Variants in XKR9 observed in about 807,000 individuals in gnomAD.
XKR9 encodes the protein XK related 9.
XKR9 carries 32 observed loss-of-function variants against 32.0 expected under a neutral mutation model. The ratio of observed to expected loss-of-function variants is 1.00; its 90% CI spans 0.76 to 1.34. The LOEUF is 1.34. Ranked by LOEUF, XKR9 falls within the 40% of genes most tolerant of loss-of-function variation. The probability of loss-of-function intolerance (pLI) is 0.00; values close to 1 mark genes in which losing one functional copy is unlikely to be tolerated. For synonymous variants in XKR9, 168 were observed against 143.4 expected, an observed-to-expected ratio of 1.17 and a Z score of -1.22; for missense variants, 546 against 429.7, an observed-to-expected ratio of 1.27 and a Z score of -2.39.
At chr8:70,870,001 G>C in the XKR9 span, among the ~76,000 whole-genome samples, 1 of 152,154 alleles carries the variant, frequency 6.6e-6, no homozygotes, top group Non-Finnish European at 1.5e-5. Context: ...TAGTAGGAAT[G>C]AGATATATGA....
the XKR9 span, among the ~76,000 whole-genome samples, chr8:70,963,112 C>T: frequency 6.6e-6 from 1 of 152,154 alleles, no homozygotes; most frequent in Non-Finnish European, 1.5e-5. Flanking sequence ...TTATGCTCCC[C>T]CTTCCCCCAG....
the XKR9 span, among the ~76,000 whole-genome samples, chr8:70,854,321 T>A: frequency 6.6e-6 from 1 of 152,238 alleles, no homozygotes; most frequent in Non-Finnish European, 1.5e-5. Context: ...TGCATAAATG[T>A]CTTCTTTGAG....
At chr8:71,060,412 C>T in the XKR9 span, among the ~76,000 whole-genome samples, 1 of 152,212 alleles carries the variant, frequency 6.6e-6, no homozygotes, top group Non-Finnish European at 1.5e-5. Context: ...CGGGTGTCCT[C>T]ATCCCTTTAC....
chr8:70,706,650 A>G (rs562072555), intron 3 of XKR9, among the ~76,000 whole-genome samples: 1 of 152,216 alleles, frequency 6.6e-6, no homozygotes, highest in East Asian at 1.9e-4. Flanking sequence ...AAATGGAATA[A>G]TGTCTCCTTT....
the XKR9 span, among the ~76,000 whole-genome samples, chr8:70,861,100 G>A: frequency 2.0e-5 from 3 of 152,092 alleles, no homozygotes; most frequent in Non-Finnish European, 4.4e-5. Context: ...ACAGTTGTCT[G>A]TTAGTAGTGT....
the XKR9 span, among the ~76,000 whole-genome samples, chr8:70,966,772 C>T: frequency 6.6e-6 from 1 of 152,134 alleles, no homozygotes; most frequent in South Asian, 2.1e-4. Flanking sequence ...TTGTAGGTCT[C>T]TAACAACTTG....
At chr8:70,772,896 TG>T (rs1474958582) in intron 2 of XKR9, among the ~76,000 whole-genome samples, 1 of 152,230 alleles carries the variant, frequency 6.6e-6, no homozygotes, top group Non-Finnish European at 1.5e-5. Context: ...AGAGTTTTAA[TG>T]GCAAGGATAA....
At chr8:70,987,500 T>A in the XKR9 span, among the ~76,000 whole-genome samples, 1 of 152,244 alleles carries the variant, frequency 6.6e-6, no homozygotes, top group Non-Finnish European at 1.5e-5. Flanking sequence ...TGATCTCCTT[T>A]GGTTCCATAT....
the XKR9 span, among the ~76,000 whole-genome samples, chr8:70,881,751 A>C: frequency 4.6e-5 from 7 of 152,196 alleles, no homozygotes; most frequent in Admixed American, 2.0e-4. Flanking sequence ...TTGACCCAGC[A>C]ATCCCATTAC....
At chr8:70,973,843 A>C in the XKR9 span, among the ~76,000 whole-genome samples, 2 of 152,034 alleles carry the variant, frequency 1.3e-5, no homozygotes, top group Non-Finnish European at 2.9e-5. Context: ...TATAATTTTG[A>C]TTTTTTAAAA....
At chr8:70,845,021 G>A in the XKR9 span, among the ~76,000 whole-genome samples, 1 of 152,176 alleles carries the variant, frequency 6.6e-6, no homozygotes, top group East Asian at 1.9e-4. Context: ...CACGTATGCT[G>A]ACTGGGACCC....
chr8:70,895,899 G>A, the XKR9 span, among the ~76,000 whole-genome samples: 1 of 151,996 alleles, frequency 6.6e-6, no homozygotes, highest in Non-Finnish European at 1.5e-5. Context: ...CACTGGGGGC[G>A]GGCGGTGTTG....
chr8:71,021,080 C>A, the XKR9 span, among the ~76,000 whole-genome samples: 2 of 152,152 alleles, frequency 1.3e-5, no homozygotes, highest in African/African-American at 2.4e-5. Flanking sequence ...GTGCAGAGAT[C>A]ACATGGTGAG....
chr8:70,695,110 T>C (rs1938281925), intron 3 of XKR9, among the ~76,000 whole-genome samples: 1 of 148,506 alleles, frequency 6.7e-6, no homozygotes, highest in African/African-American at 2.4e-5. Context: ...CAGGTGGCCG[T>C]TGTCCTGCCT....
the XKR9 span, among the ~76,000 whole-genome samples, chr8:70,995,250 T>G: frequency 6.6e-6 from 1 of 152,294 alleles, no homozygotes; most frequent in South Asian, 2.1e-4. Context: ...TGATGGCCCA[T>G]ACCACCCTAC....
chr8:70,694,091 T>C (rs1372436965), intron 3 of XKR9, among the ~76,000 whole-genome samples: 1 of 142,484 alleles, frequency 7.0e-6, no homozygotes, highest in Non-Finnish European at 1.5e-5. Flanking sequence ...TGGGGCCCGG[T>C]CCAGTCCTAG....
chr8:70,918,817 G>A, the XKR9 span, among the ~76,000 whole-genome samples: 2 of 106,686 alleles, frequency 1.9e-5, no homozygotes, highest in African/African-American at 3.7e-5. Context: ...TTGCTCTGTC[G>A]CCCAGGCTGG....
At chr8:70,842,842 C>T in the XKR9 span, among the ~76,000 whole-genome samples, 3 of 152,172 alleles carry the variant, frequency 2.0e-5, no homozygotes, top group Non-Finnish European at 4.4e-5. Context: ...GCTTTTGAGG[C>T]TCCTTTTTCT....
At chr8:70,962,335 A>G in the XKR9 span, among the ~76,000 whole-genome samples, 2 of 152,120 alleles carry the variant, frequency 1.3e-5, no homozygotes, top group African/African-American at 4.8e-5. Flanking sequence ...AGTACCCAAT[A>G]GTTTTTCAAA....
Sources: gnomAD v4.1 joint callset for allele counts (sites outside exome capture counted in the v4.1 genomes callset) on GRCh38, gnomAD v4.1.1 for gene constraint, MANE v1.5 for transcripts, NCBI Gene and HGNC (gene_info 2026-07-23, HGNC 2026-07-21) for gene names.